Variants in SPOCK3 observed in about 807,000 individuals in gnomAD.
SPOCK3 encodes SPARC (osteonectin), cwcv and kazal like domains proteoglycan 3, also known as testican-3.
A neutral mutation model predicts 56.6 loss-of-function variants in SPOCK3; 30 were observed. That is an observed-to-expected ratio of 0.53 (90% confidence interval 0.40 to 0.72). SPOCK3 has a LOEUF of 0.72. Among genes scored for constraint, SPOCK3 ranks in the 30% least tolerant of loss-of-function variants. The pLI is 0.00. For missense variants in SPOCK3, 527 were observed against 530.0 expected, an observed-to-expected ratio of 0.99 and a Z score of 0.06; for synonymous variants, 196 against 183.3, an observed-to-expected ratio of 1.07 and a Z score of -0.56.
At chr4:166,736,298 TA>T (rs576439993) in intron 10 of SPOCK3, among the ~76,000 whole-genome samples, 1 of 152,248 alleles carries the variant, frequency 6.6e-6, no homozygotes, top group South Asian at 2.1e-4. Flanking sequence ...ATTTACAACA[TA>T]AAAAAGTTAT....
At chr4:167,082,516 T>C (rs1200951676) in intron 2 of SPOCK3, among the ~76,000 whole-genome samples, 5 of 152,058 alleles carry the variant, frequency 3.3e-5, no homozygotes, top group Non-Finnish European at 7.4e-5. Context: ...TTCATAGTTA[T>C]GAGGAATATC....
chr4:167,198,368 A>T (rs763322974), intron 2 of SPOCK3, among the ~76,000 whole-genome samples: 1 of 152,148 alleles, frequency 6.6e-6, no homozygotes, highest in East Asian at 1.9e-4. Context: ...TTGGTTATAG[A>T]TGTCTCAGAG....
At chr4:166,794,855 C>T (rs1282025802) in intron 6 of SPOCK3, among the ~76,000 whole-genome samples, 1 of 151,992 alleles carries the variant, frequency 6.6e-6, no homozygotes, top group Non-Finnish European at 1.5e-5. Context: ...GTTAGCCAGG[C>T]TTGTCTCGAA....
At chr4:166,851,216 C>G (rs1368146330) in intron 6 of SPOCK3, among the ~76,000 whole-genome samples, 1 of 152,168 alleles carries the variant, frequency 6.6e-6, no homozygotes, top group African/African-American at 2.4e-5. Context: ...AGACTGACAC[C>G]TCACACGGCC....
At chr4:166,763,494 T>C (rs1737529453) in intron 7 of SPOCK3, among the ~76,000 whole-genome samples, 1 of 152,060 alleles carries the variant, frequency 6.6e-6, no homozygotes, top group Non-Finnish European at 1.5e-5. Context: ...GGGCCAGAAA[T>C]GCTACATATG....
At chr4:166,952,170 G>A (rs9760252) in intron 4 of SPOCK3, among the ~76,000 whole-genome samples, 152,165 of 152,226 alleles carry the variant, frequency 1, 76,052 homozygotes, top group Middle Eastern at 1. Context: ...ACATGATTGT[G>A]TATCTAGAAA....
intron 4 of SPOCK3, among the ~76,000 whole-genome samples, chr4:166,930,247 G>A (rs1739587688): frequency 6.6e-6 from 1 of 152,032 alleles, no homozygotes; most frequent in South Asian, 2.1e-4. Context: ...CAAAACATTG[G>A]AGATGAAAGG....
Position 166,734,678 on chromosome 4 carries a change from T to C in SPOCK3, c.*243A>G, listed in dbSNP as rs1734040778. The C allele has an allele frequency of 2.9e-6, 1 of 345,332 alleles. No homozygotes were observed. The highest frequency in any genetic ancestry group is 2.1e-5 in the African/African-American group (1 of 47,188). The allele number at this position is 345,332 out of a possible 1,614,324, so 21.4% of individuals were successfully genotyped here. A position where few individuals can be genotyped will look rare whatever the true frequency, so the allele number is the denominator to read the frequency against. ...TTATTATAGTAGCACTTCAAAACTT[T>C]ATTTTGTCTGACTAGACTGCATATG... On this transcript the variant is annotated 3_prime_UTR_variant, in exon 11 of 11. Coordinates refer to ENST00000357545, the MANE Select transcript of SPOCK3 (RefSeq NM_001040159.2).
intron 5 of SPOCK3, among the ~76,000 whole-genome samples, chr4:166,893,216 T>G (rs1734974438): frequency 6.6e-6 from 1 of 152,142 alleles, no homozygotes; most frequent in South Asian, 2.1e-4. Flanking sequence ...TGAGAAGCCT[T>G]GATTAGGCAT....
In SPOCK3 at chr4:167,017,215, A is replaced by G. The variant is rs148236002; in HGVS notation, c.236-16752T>C. Among the ~76,000 whole-genome samples the G allele has an allele frequency of 5.0e-3, 764 of 152,230 alleles. 12 individuals carry two copies. Among genetic ancestry groups the G allele is most frequent in the African/African-American group, 0.018 (728 of 41,568 alleles). On this transcript the variant is annotated intron_variant, in intron 3 of 10. Coordinates refer to ENST00000357545, the MANE Select transcript of SPOCK3 (RefSeq NM_001040159.2). The stretch of plus-strand genomic sequence containing the variant: ...ACTCCAAACAGTGGGGCAGGGGATC[A>G]TCTGCACCCCTGTGTTACTGTTACC...
intron 7 of SPOCK3, among the ~76,000 whole-genome samples, chr4:166,783,878 T>C (rs1221752943): frequency 6.6e-6 from 1 of 152,186 alleles, no homozygotes. Context: ...ATGTTTATAA[T>C]TGACTATAAT....
At chr4:166,775,872 A>G (rs1434730716) in intron 7 of SPOCK3, among the ~76,000 whole-genome samples, 2 of 152,234 alleles carry the variant, frequency 1.3e-5, no homozygotes, top group African/African-American at 2.4e-5. Context: ...CACACGCATG[A>G]AGAATACTAA....
intron 6 of SPOCK3, among the ~76,000 whole-genome samples, chr4:166,878,016 C>G (rs1463707094): frequency 6.6e-6 from 1 of 152,122 alleles, no homozygotes; most frequent in Admixed American, 6.6e-5. Flanking sequence ...GTGGCTCATG[C>G]CTGTAATCTC....
chr4:166,885,576 G>A (rs940161395), intron 6 of SPOCK3, among the ~76,000 whole-genome samples: 4 of 151,948 alleles, frequency 2.6e-5, no homozygotes, highest in African/African-American at 7.3e-5. Context: ...AGGATTCCAC[G>A]TTCCTTTTCT....
At chr4:167,150,965 G>A (rs1258970638) in intron 2 of SPOCK3, among the ~76,000 whole-genome samples, 1 of 152,066 alleles carries the variant, frequency 6.6e-6, no homozygotes, top group African/African-American at 2.4e-5. Context: ...TAAAATTTAA[G>A]AGCATTGATT....
chr4:167,205,504 T>TAATA (rs1734156409), intron 2 of SPOCK3, among the ~76,000 whole-genome samples: 8 of 56,342 alleles, frequency 1.4e-4, no homozygotes, highest in African/African-American at 6.3e-4. Flanking sequence ...ATAATATATA[T>TAATA]TATATAATAT....
chr4:167,142,680 A>G (rs1763633901), intron 2 of SPOCK3, among the ~76,000 whole-genome samples: 2 of 152,124 alleles, frequency 1.3e-5, no homozygotes, highest in African/African-American at 4.8e-5. Context: ...GAAAAGTAGC[A>G]ATAGATGCAA....
At chr4:167,174,266 T>G (rs2150474553) in intron 2 of SPOCK3, among the ~76,000 whole-genome samples, 1 of 152,100 alleles carries the variant, frequency 6.6e-6, no homozygotes, top group Non-Finnish European at 1.5e-5. Context: ...ATTAAAAAAT[T>G]TTTAAAATCA....
In SPOCK3 at chr4:166,999,766, C is replaced by T. The variant is rs188265925; in HGVS notation, c.350+583G>A. On this transcript the variant is annotated intron_variant, in intron 4 of 10. Coordinates refer to ENST00000357545, the MANE Select transcript of SPOCK3 (RefSeq NM_001040159.2). The stretch of plus-strand genomic sequence containing the variant: ...TACTGGTCCTTCCCAAAACAGAGCC[C>T]GTCTAACAGAAGCAGTGCTGGTTGT... 1.9e-3 allele frequency among the ~76,000 whole-genome samples: 291 copies of T among 152,162 alleles called. 1 individual carries two copies. The highest frequency in any genetic ancestry group is 6.6e-3 in the African/African-American group (273 of 41,532).
Sources: allele counts gnomAD v4.1 joint callset (sites outside exome capture counted in the v4.1 genomes callset), GRCh38; gene constraint gnomAD v4.1.1; transcripts MANE v1.5; gene names NCBI Gene and HGNC (gene_info 2026-07-23, HGNC 2026-07-21).